Variants in ZNF460 observed in about 807,000 individuals in gnomAD.
The protein encoded by ZNF460 is zinc finger protein 272.
A neutral mutation model predicts 8.4 loss-of-function variants in ZNF460; 1 was observed. That is an observed-to-expected ratio of 0.12 (90% CI 0.04 to 0.56). The LOEUF (loss-of-function observed/expected upper bound fraction) is 0.56. Among genes scored for constraint, ZNF460 ranks in the 20% least tolerant of loss-of-function variants. The probability of loss-of-function intolerance (pLI) is 0.91; values close to 1 mark genes in which losing one functional copy is unlikely to be tolerated. For synonymous variants in ZNF460, 262 were observed against 259.9 expected, an observed-to-expected ratio of 1.01 and a Z score of -0.08; for missense variants, 477 against 714.8, an observed-to-expected ratio of 0.67 and a Z score of 3.79.
chr19:57,289,804 C>T (rs1358020471), intron 2 of ZNF460, among the ~76,000 whole-genome samples: 2 of 151,896 alleles, frequency 1.3e-5, no homozygotes, highest in Admixed American at 6.6e-5. Context: ...GAGTTCGAGA[C>T]CAGCTTGGGC....
At chr19:57,282,613 A>T (rs1200355440) in intron 1 of ZNF460, among the ~76,000 whole-genome samples, 2 of 152,224 alleles carry the variant, frequency 1.3e-5, no homozygotes, top group African/African-American at 4.8e-5. Flanking sequence ...CATTAACTGC[A>T]TTAACTTTGC....
rs988937628 is a variant in ZNF460 at position 57,280,542 on chromosome 19, G to C, written c.-265G>C. The stretch of plus-strand genomic sequence containing the variant: ...CGCGTTCTGCGGCCTGAGCAGGGAC[G>C]GGTAGTGAAGCGGTTACGCCCCTTC... On this transcript the variant is annotated 5_prime_UTR_variant, in exon 1 of 3. Coordinates refer to ENST00000360338, the MANE Select transcript of ZNF460 (RefSeq NM_006635.4). 4 of 552,384 alleles carry C rather than the reference G, an allele frequency of 7.2e-6. No individual in the cohort carries two copies. Among genetic ancestry groups the C allele is most frequent in the African/African-American group, 3.8e-5 (2 of 52,354 alleles). The allele number at this position is 552,384 out of a possible 1,614,324, so 34.2% of individuals were successfully genotyped here.
intron 1 of ZNF460, among the ~76,000 whole-genome samples, chr19:57,282,626 A>G (rs550019689): frequency 6.6e-6 from 1 of 152,294 alleles, no homozygotes; most frequent in Admixed American, 6.5e-5. Flanking sequence ...AACTTTGCTA[A>G]TAGAGAAATG....
intron 2 of ZNF460, among the ~76,000 whole-genome samples, chr19:57,289,047 G>A (rs7252149): frequency 0.036 from 5,422 of 151,714 alleles, 332 homozygotes; most frequent in African/African-American, 0.12. Flanking sequence ...TCTCAGGGTT[G>A]TATTGAATTT....
At chr19:57,286,101 C>T (rs969102725) in intron 2 of ZNF460, among the ~76,000 whole-genome samples, 2 of 152,152 alleles carry the variant, frequency 1.3e-5, no homozygotes, top group African/African-American at 4.8e-5. Flanking sequence ...AAAAGGCATA[C>T]GTTTGTTTCA....
Position 57,280,692 on chromosome 19 carries a change from C to A in ZNF460, c.-115C>A. Reference sequence around the variant, plus strand: ...CTCAGCCCCGACGCTGCGCCTTGGGCCTTGTGCGCATTTTTTTCGGGGGAA... The same window carrying A: ...CTCAGCCCCGACGCTGCGCCTTGGGACTTGTGCGCATTTTTTTCGGGGGAA... On this transcript the variant is annotated 5_prime_UTR_variant, in exon 1 of 3. Transcript: ENST00000360338. The A allele has an allele frequency of 1.4e-6, 2 of 1,466,248 alleles. No individual in the cohort carries two copies. The highest frequency in any genetic ancestry group is 9.3e-7 in the Non-Finnish European group (1 of 1,076,606). 90.8% of individuals were successfully genotyped at this position (1,466,248 alleles called of 1,614,324 possible).
At chr19:57,282,122 G>A (rs2087844805) in intron 1 of ZNF460, among the ~76,000 whole-genome samples, 1 of 152,158 alleles carries the variant, frequency 6.6e-6, no homozygotes, top group Non-Finnish European at 1.5e-5. Flanking sequence ...TCATACTGGT[G>A]GAACTGTGTA....
intron 2 of ZNF460, among the ~76,000 whole-genome samples, chr19:57,289,504 C>G (rs1600027817): frequency 6.6e-6 from 1 of 152,158 alleles, no homozygotes; most frequent in Admixed American, 6.5e-5. Context: ...CCTCCTTGAC[C>G]TCTTCCTGTC....
chr19:57,284,813 A>ATTTTTTTT, intron 2 of ZNF460, 136 bp downstream of exon 2: 1 of 633,566 alleles, frequency 1.6e-6, no homozygotes, highest in Non-Finnish European at 2.1e-6. Context: ...GCTTTACTCT[A>ATTTTTTTT]TTTTTTTTTT....
chr19:57,289,895 T>C (rs902097733), intron 2 of ZNF460, among the ~76,000 whole-genome samples: 3 of 151,684 alleles, frequency 2.0e-5, no homozygotes, highest in Admixed American at 1.3e-4. Flanking sequence ...AATTCTAGCA[T>C]TTTGGAAGGC....
At chr19:57,281,215 T>C (rs555601557) in intron 1 of ZNF460, among the ~76,000 whole-genome samples, 1 of 152,318 alleles carries the variant, frequency 6.6e-6, no homozygotes, top group Admixed American at 6.5e-5. Flanking sequence ...TCTTCCATTT[T>C]CCAGGCTTTC....
chr19:57,289,915 C>T (rs1363257952), intron 2 of ZNF460, among the ~76,000 whole-genome samples: 1 of 152,054 alleles, frequency 6.6e-6, no homozygotes, highest in Non-Finnish European at 1.5e-5. Flanking sequence ...CCGAGGCAGG[C>T]AGATCACCTG....
chr19:57,282,696 C>G (rs1219847048), intron 1 of ZNF460, among the ~76,000 whole-genome samples: 1 of 152,116 alleles, frequency 6.6e-6, no homozygotes, highest in Non-Finnish European at 1.5e-5. Context: ...GTTGATAAGA[C>G]CTGTGACTTT....
chr19:57,284,736 C>A, intron 2 of ZNF460, 59 bp downstream of exon 2: 1 of 1,504,946 alleles, frequency 6.6e-7, no homozygotes, highest in South Asian at 1.4e-5. Flanking sequence ...TTCATTCTAG[C>A]CTTCATCCTG....
At chr19:57,289,048 T>A (rs2087898247) in intron 2 of ZNF460, among the ~76,000 whole-genome samples, 2 of 152,124 alleles carry the variant, frequency 1.3e-5, no homozygotes, top group Non-Finnish European at 2.9e-5. Context: ...CTCAGGGTTG[T>A]ATTGAATTTC....
intron 2 of ZNF460, among the ~76,000 whole-genome samples, chr19:57,285,297 C>G (rs2087871417): frequency 6.6e-6 from 1 of 152,206 alleles, no homozygotes; most frequent in South Asian, 2.1e-4. Flanking sequence ...GGCACTAATA[C>G]TGGTTGTCTG....
chr19:57,292,295 GT>G lies in ZNF460; in HGVS notation c.*71del. Reference sequence around the variant, plus strand: ...TCCAAGAATTCCTATTAGCGAAATAGTTTTTTAATATAACCACTGAAGAAAA... The same window carrying G: ...TCCAAGAATTCCTATTAGCGAAATAGTTTTTAATATAACCACTGAAGAAAA... On this transcript the variant is annotated 3_prime_UTR_variant, in exon 3 of 3. Transcript: ENST00000360338. 1 of 1,488,694 alleles carries G rather than the reference GT, an allele frequency of 6.7e-7. No homozygotes were observed. Among genetic ancestry groups the G allele is most frequent in the Admixed American group, 2.1e-5 (1 of 48,314 alleles). 92.2% of individuals were successfully genotyped at this position (1,488,694 alleles called of 1,614,324 possible).
At position 57,280,682 on chromosome 19, in the gene ZNF460, G is replaced by A. The variant is rs1427594124; in HGVS notation, c.-125G>A. 23 of 1,401,870 alleles carry A rather than the reference G, an allele frequency of 1.6e-5. No homozygotes were observed. Among genetic ancestry groups the A allele is most frequent in the Non-Finnish European group, 2.2e-5 (23 of 1,028,954 alleles). The allele number at this position is 1,401,870 out of a possible 1,614,324, so 86.8% of individuals were successfully genotyped here. On this transcript the variant is annotated 5_prime_UTR_variant, in exon 1 of 3. Coordinates refer to ENST00000360338, the MANE Select transcript of ZNF460 (RefSeq NM_006635.4). ...CCTCCGTCTCCTCAGCCCCGACGCT[G>A]CGCCTTGGGCCTTGTGCGCATTTTT...
chr19:57,280,165 C>T (rs1445480576), upstream of ZNF460: 1 of 152,360 alleles, frequency 6.6e-6, no homozygotes, highest in Non-Finnish European at 1.5e-5. Flanking sequence ...GGCGAATATC[C>T]CCGCCTCCTG....
Sources: gnomAD v4.1 joint callset for allele counts (sites outside exome capture counted in the v4.1 genomes callset) on GRCh38, gnomAD v4.1.1 for gene constraint, MANE v1.5 for transcripts, NCBI Gene and HGNC (gene_info 2026-07-23, HGNC 2026-07-21) for gene names.